The following WWP2 variants were observed in gnomAD, a reference collection of about 807,000 sequenced individuals.
WWP2 encodes NEDD4-like E3 ubiquitin-protein ligase WWP2.
In WWP2, 57 loss-of-function variants were observed where a neutral mutation model predicts 121.0. The observed-to-expected ratio is 0.47, with a 90% CI of 0.38 to 0.59. The LOEUF (loss-of-function observed/expected upper bound fraction) is 0.59. Among genes scored for constraint, WWP2 ranks in the 20% least tolerant of loss-of-function variants. The pLI is 0.00. For missense variants in WWP2, 962 were observed against 1,158.9 expected (o/e 0.83, Z 2.47); for synonymous variants, 449 against 441.3 (o/e 1.02, Z -0.22).
At chr16:69,809,270 A>T (rs1194883765) in intron 4 of WWP2, among the ~76,000 whole-genome samples, 2 of 152,194 alleles carry the variant, frequency 1.3e-5, no homozygotes, top group African/African-American at 4.8e-5. Flanking sequence ...CTATGTACCT[A>T]ACATTCCAGC....
At position 69,789,322 on chromosome 16, in the gene WWP2, C is replaced by T. The variant is rs556019373; in HGVS notation, c.70+2242C>T. On this transcript the variant is annotated intron_variant, in intron 2 of 23. Transcript: ENST00000359154. Reference sequence around the variant, plus strand: ...TCGACTCACTGTAACCTCCGCCTCCCGGGTTCAAGCAATTCTTCTGCCTCA... The same window carrying T: ...TCGACTCACTGTAACCTCCGCCTCCTGGGTTCAAGCAATTCTTCTGCCTCA... 2.1e-4 allele frequency among the ~76,000 whole-genome samples: 32 copies of T among 152,182 alleles called. 1 individual carries two copies. The South Asian group carries it at 5.6e-3, about 27-fold the overall frequency.
chr16:69,844,274 C>T (rs2057029912), intron 6 of WWP2, among the ~76,000 whole-genome samples: 1 of 152,146 alleles, frequency 6.6e-6, no homozygotes. Flanking sequence ...CCATGATGGG[C>T]ACCTGGAACT....
intron 7 of WWP2, among the ~76,000 whole-genome samples, chr16:69,883,430 A>G (rs1411447000): frequency 6.6e-6 from 1 of 151,636 alleles, no homozygotes; most frequent in South Asian, 2.1e-4. Flanking sequence ...ACACACACTC[A>G]TTTACTCCTA....
intron 6 of WWP2, among the ~76,000 whole-genome samples, chr16:69,848,003 G>A (rs994383336): frequency 6.6e-6 from 1 of 152,138 alleles, no homozygotes. Flanking sequence ...TGAATAACTG[G>A]CTCCTCTGTC....
intron 2 of WWP2, among the ~76,000 whole-genome samples, chr16:69,795,430 A>G (rs574103222): frequency 9.9e-5 from 15 of 152,268 alleles, no homozygotes; most frequent in African/African-American, 3.4e-4. Context: ...TGCACTAGCC[A>G]TATTTCAAGT....
rs560060192 is a variant in WWP2 at position 69,859,933 on chromosome 16, C to T, written c.576-11871C>T. On this transcript the variant is annotated intron_variant, in intron 6 of 23. Coordinates refer to ENST00000359154, the MANE Select transcript of WWP2 (RefSeq NM_001270454.2). ...CTGTGGTACACGACGACATACTTGA[C>T]GACATACTCAAGGGTGTGGCACCTT... Among the ~76,000 whole-genome samples, 124 of 137,920 alleles carry T rather than the reference C, an allele frequency of 9.0e-4. 1 individual carries two copies. In the South Asian group the frequency reaches 0.03, roughly 33 times the overall value. 90.5% of individuals were successfully genotyped at this position (137,920 alleles called of 152,430 possible).
At chr16:69,834,206 C>T (rs536192264) in intron 4 of WWP2, among the ~76,000 whole-genome samples, 15 of 152,188 alleles carry the variant, frequency 9.9e-5, no homozygotes, top group Non-Finnish European at 2.1e-4. Context: ...CTACCTCCTG[C>T]CCTCATCTGC....
intron 4 of WWP2, among the ~76,000 whole-genome samples, chr16:69,801,263 A>G (rs1350957648): frequency 1.3e-5 from 2 of 149,732 alleles, no homozygotes; most frequent in Non-Finnish European, 3.0e-5. Flanking sequence ...CAGGTTTCTC[A>G]CTTTGTCACT....
intron 7 of WWP2, among the ~76,000 whole-genome samples, chr16:69,875,300 T>A (rs1274839267): frequency 6.6e-6 from 1 of 152,244 alleles, no homozygotes; most frequent in Admixed American, 6.5e-5. Context: ...CTAACAATTA[T>A]CTGAGCCTTT....
At chr16:69,809,593 C>T (rs2151828814) in intron 4 of WWP2, among the ~76,000 whole-genome samples, 1 of 152,108 alleles carries the variant, frequency 6.6e-6, no homozygotes, top group East Asian at 1.9e-4. Flanking sequence ...ATGGTGGAAC[C>T]CTGTCTCTAC....
intron 7 of WWP2, among the ~76,000 whole-genome samples, chr16:69,883,770 G>T (rs780957211): frequency 5.3e-5 from 8 of 152,004 alleles, no homozygotes; most frequent in Non-Finnish European, 1.0e-4. Flanking sequence ...GCTACTATGG[G>T]TGAACCAGGT....
Position 69,935,825 on chromosome 16 carries a change from CCT to C in WWP2, c.1843-25_1843-24del, listed in dbSNP as rs1567445622. 6 of 1,600,438 alleles carry C rather than the reference CCT, an allele frequency of 3.7e-6. No homozygotes were observed. The highest frequency in any genetic ancestry group is 5.1e-6 in the Non-Finnish European group (6 of 1,173,832). ...TTGGCAGTGCCCAGGGAAGGCCAAACCTCTGTGCTGTGCCTCTTCCTTCCCAG... is the reference window on the plus strand; with the variant it reads ...TTGGCAGTGCCCAGGGAAGGCCAAACCTGTGCTGTGCCTCTTCCTTCCCAG... On this transcript the variant is annotated intron_variant, in intron 17 of 23. Coordinates refer to ENST00000359154, the MANE Select transcript of WWP2 (RefSeq NM_001270454.2). This position sits in a 1 kb window ranked among gnomAD's most constrained non-coding sequence, Gnocchi z 5.2.
intron 11 of WWP2, among the ~76,000 whole-genome samples, chr16:69,926,551 G>A (rs1360024963): frequency 6.6e-6 from 1 of 152,202 alleles, no homozygotes; most frequent in East Asian, 1.9e-4. Context: ...CTCTCGGGTA[G>A]TTATTTAAGA....
chr16:69,822,526 G>T lies in WWP2; in HGVS notation c.341-17600G>T, dbSNP rs543615244. Among the ~76,000 whole-genome samples the T allele has an allele frequency of 4.6e-5, 7 of 152,180 alleles. No individual in the cohort carries two copies. The South Asian group carries it at 1.2e-3, about 27-fold the overall frequency. ...CATCATGGGAGACTTTGCCTGGCCT[G>T]GGTGGGGTGTGTGTGTGTGTGTGTT... is the stretch of plus-strand genomic sequence containing the variant. On this transcript the variant is annotated intron_variant, in intron 4 of 23. Coordinates refer to ENST00000359154, the MANE Select transcript of WWP2 (RefSeq NM_001270454.2).
At chr16:69,828,793 T>A (rs138500614) in intron 4 of WWP2, among the ~76,000 whole-genome samples, 1 of 152,328 alleles carries the variant, frequency 6.6e-6, no homozygotes, top group East Asian at 1.9e-4. Flanking sequence ...TATGGGAGTT[T>A]CCTATTATTC....
In WWP2 at chr16:69,839,433, T is replaced by C. The variant is rs2056935118; in HGVS notation, c.341-693T>C. 2.0e-5 allele frequency among the ~76,000 whole-genome samples: 3 copies of C among 152,324 alleles called. No homozygotes were observed. The South Asian group carries it at 6.2e-4, about 32-fold the overall frequency. Reference sequence around the variant, plus strand: ...AGTTTCTAGCCTGCCTAGGGCTTGGTGCTTCTGCCTCCAGTCAGCTTGTTC... The same window carrying C: ...AGTTTCTAGCCTGCCTAGGGCTTGGCGCTTCTGCCTCCAGTCAGCTTGTTC... On this transcript the variant is annotated intron_variant, in intron 4 of 23. Transcript: ENST00000359154.
At chr16:69,884,574 G>C (rs915164730) in intron 7 of WWP2, among the ~76,000 whole-genome samples, 5 of 152,152 alleles carry the variant, frequency 3.3e-5, no homozygotes, top group African/African-American at 1.2e-4. Context: ...GCTGCAGTGA[G>C]CCATAATTGT....
chr16:69,860,118 T>C (rs1406600126), intron 6 of WWP2, among the ~76,000 whole-genome samples: 1 of 151,992 alleles, frequency 6.6e-6, no homozygotes, highest in Non-Finnish European at 1.5e-5. Flanking sequence ...GGAGGATCAC[T>C]TCACCTTAGG....
chr16:69,929,573 C>T, intron 12 of WWP2, 44 bp downstream of exon 12: 1 of 1,562,170 alleles, frequency 6.4e-7, no homozygotes, highest in Non-Finnish European at 8.8e-7. Flanking sequence ...GGCTGGGTCT[C>T]TGTGCAGCTC....
Sources: allele counts gnomAD v4.1 joint callset (sites outside exome capture counted in the v4.1 genomes callset), GRCh38; gene constraint gnomAD v4.1.1; non-coding constraint Gnocchi (gnomAD v3.1); transcripts MANE v1.5; gene names NCBI Gene and HGNC (gene_info 2026-07-23, HGNC 2026-07-21).